DCUN1D4: variants seen among roughly 807,000 people sequenced by gnomAD.
DCUN1D4 encodes DCN1-like protein 4.
Under a neutral mutation model 47.9 loss-of-function variants are expected in DCUN1D4, and 22 were observed. The observed-to-expected ratio is 0.46, with a 90% CI of 0.33 to 0.66. DCUN1D4 has a LOEUF of 0.66. Ranked by LOEUF, DCUN1D4 falls within the 30% of genes least tolerant of loss-of-function variation. DCUN1D4 has a pLI of 0.02. For missense variants in DCUN1D4, 301 were observed against 340.8 expected (o/e 0.88, Z 0.92); for synonymous variants, 121 against 112.2 (o/e 1.08, Z -0.50).
At chr4:51,910,187 T>A (rs1363391754) in intron 8 of DCUN1D4, among the ~76,000 whole-genome samples, 1 of 152,172 alleles carries the variant, frequency 6.6e-6, no homozygotes, top group Non-Finnish European at 1.5e-5. Flanking sequence ...ATATGTAAGG[T>A]ATGCTTATGG....
intron 1 of DCUN1D4, among the ~76,000 whole-genome samples, chr4:51,855,283 A>G (rs903658787): frequency 6.6e-6 from 1 of 152,172 alleles, no homozygotes; most frequent in Non-Finnish European, 1.5e-5. Flanking sequence ...CTAATAAAAA[A>G]TGTTTTATTA....
rs1734154121 is a variant in DCUN1D4, at chr4:51,914,718, C to T, written c.*1134C>T. 6.6e-6 allele frequency: 1 copy of T among 151,764 alleles called. No individual in the cohort carries two copies. The highest frequency in any genetic ancestry group is 2.4e-5 in the African/African-American group (1 of 41,146). The allele number at this position is 151,764 out of a possible 1,614,324, so 9.4% of individuals were successfully genotyped here. A position where few individuals can be genotyped will look rare whatever the true frequency, so the allele number is the denominator to read the frequency against. The stretch of plus-strand genomic sequence containing the variant: ...GCTAGGACCTGTCCTAGAGGGGCCA[C>T]TTTTCATTACCTGAGTTATTTGTAC... On this transcript the variant is annotated 3_prime_UTR_variant, in exon 11 of 11. Coordinates refer to ENST00000334635, the MANE Select transcript of DCUN1D4 (RefSeq NM_001040402.3).
At chr4:51,887,449 A>T (rs1729690404) in intron 6 of DCUN1D4, among the ~76,000 whole-genome samples, 1 of 152,140 alleles carries the variant, frequency 6.6e-6, no homozygotes, top group Admixed American at 6.5e-5. Context: ...TTTTAATTAG[A>T]GTGATTTTTA....
chr4:51,869,992 T>C (rs1261983382), intron 3 of DCUN1D4, among the ~76,000 whole-genome samples: 1 of 152,216 alleles, frequency 6.6e-6, no homozygotes, highest in Non-Finnish European at 1.5e-5. Flanking sequence ...CTAAGTGTCA[T>C]GTAAACACCA....
intron 1 of DCUN1D4, among the ~76,000 whole-genome samples, chr4:51,861,447 CTACTTCTTCCACATTTATA>C (rs1341681533): frequency 6.6e-6 from 1 of 152,146 alleles, no homozygotes; most frequent in Non-Finnish European, 1.5e-5. Context: ...CTTGTCTTTT[CTACTTCTTCCACATTTATA>C]TAAAGGAGGG....
the DCUN1D4 span, among the ~76,000 whole-genome samples, chr4:51,837,877 G>A: frequency 1.3e-5 from 2 of 152,080 alleles, no homozygotes; most frequent in East Asian, 3.9e-4. Context: ...GGATTTTCTA[G>A]AAAATTTAAA....
rs1219621749 is a variant in DCUN1D4, at chr4:51,900,622, A to T, written c.615+1244A>T. Among the ~76,000 whole-genome samples the T allele has an allele frequency of 3.9e-5, 6 of 152,084 alleles. No homozygotes were observed. The South Asian group carries it at 1.2e-3, about 32-fold the overall frequency. ...AGATATGGTGCCTATAGTTCTAGCT[A>T]CTCAGGAGGCTGAGGTAAGAGGATT... On this transcript the variant is annotated intron_variant, in intron 8 of 10. Transcript: ENST00000334635.
chr4:51,909,224 G>A (rs995511997), intron 8 of DCUN1D4, among the ~76,000 whole-genome samples: 3 of 152,044 alleles, frequency 2.0e-5, no homozygotes, highest in Non-Finnish European at 4.4e-5. Flanking sequence ...ATATATCACA[G>A]CAAGACTAGA....
the DCUN1D4 span, among the ~76,000 whole-genome samples, chr4:51,834,092 T>TTC: frequency 7.3e-6 from 1 of 137,462 alleles, no homozygotes; most frequent in African/African-American, 3.0e-5. Flanking sequence ...CTCTCTTTTC[T>TTC]TTTCTTCTTT....
At position 51,863,787 on chromosome 4, in the gene DCUN1D4, G is replaced by T. The variant is rs995847135; in HGVS notation, c.136+78G>T. ...AAAGAGAAATACTAGCTATGAATGC[G>T]CTATGTTGTCATAATGTACTCCATT... On this transcript the variant is annotated intron_variant, in intron 3 of 10. Transcript: ENST00000334635. 4 of 1,426,074 alleles carry T rather than the reference G, an allele frequency of 2.8e-6. No individual in the cohort carries two copies. In the African/African-American group the frequency reaches 4.3e-5, roughly 15 times the overall value. The allele number at this position is 1,426,074 out of a possible 1,614,324, so 88.3% of individuals were successfully genotyped here.
chr4:51,892,785 T>G (rs1730630811), intron 7 of DCUN1D4, among the ~76,000 whole-genome samples: 3 of 152,248 alleles, frequency 2.0e-5, no homozygotes, highest in East Asian at 1.9e-4. Flanking sequence ...ATGTTTCAAA[T>G]AGCATTGACG....
At chr4:51,887,716 G>T (rs1729726391) in intron 6 of DCUN1D4, among the ~76,000 whole-genome samples, 1 of 152,028 alleles carries the variant, frequency 6.6e-6, no homozygotes, top group South Asian at 2.1e-4. Flanking sequence ...TGGTGCCCAG[G>T]CATGTATGTC....
At chr4:51,911,207 T>C in intron 9 of DCUN1D4, 33 bp downstream of exon 9, 2 of 1,572,830 alleles carry the variant, frequency 1.3e-6, no homozygotes, top group Non-Finnish European at 1.7e-6. Context: ...AATGTATGTT[T>C]GCTTGCTTGG....
chr4:51,884,645 A>G (rs1459819107), intron 5 of DCUN1D4, among the ~76,000 whole-genome samples: 2 of 152,220 alleles, frequency 1.3e-5, no homozygotes, highest in African/African-American at 4.8e-5. Context: ...TGTAAGAAGA[A>G]TAAAGGAACT....
chr4:51,877,806 G>A lies in DCUN1D4; in HGVS notation c.295G>A (p.Glu99Lys). 1 of 1,611,952 alleles carries A rather than the reference G, an allele frequency of 6.2e-7. No individual in the cohort carries two copies. Among genetic ancestry groups the A allele is most frequent in the Non-Finnish European group, 8.5e-7 (1 of 1,179,242 alleles). The change falls in exon 5 of 11, where the codon GAA (glutamate) becomes AAA (lysine). Residue 99 changes from glutamate to lysine, a missense_variant. By Grantham distance (56) the Glu-to-Lys change is moderately conservative. This residue lies in a region of DCUN1D4 where 170 missense variants were observed against 234.5 expected (regional missense o/e 0.73). Coordinates refer to ENST00000334635, the MANE Select transcript of DCUN1D4 (RefSeq NM_001040402.3). ...TTCGACTAGAATAAAGACTGAAGAAGAAGCCTTTTCAAGTAAAAGGTGCTT... is the reference window on the plus strand; with the variant it reads ...TTCGACTAGAATAAAGACTGAAGAAAAAGCCTTTTCAAGTAAAAGGTGCTT... ...YDSTRIKTEE[E>K]AFSSKRCLEW...
In DCUN1D4 at chr4:51,874,373, G is replaced by A. The variant is rs370511636; in HGVS notation, c.239G>A (p.Ser80Asn). 4 of 1,611,790 alleles carry A rather than the reference G, an allele frequency of 2.5e-6. No homozygotes were observed. The African/African-American group carries it at 5.3e-5, about 22-fold the overall frequency. The part of the protein sequence containing the change: ...ASGDDLSAKK[S>N]RHDSMYRKYD... ...GGAGATGATTTATCTGCCAAGAAAA[G>A]TAGACATGATAGGTATGATGTAGAG... is the stretch of plus-strand genomic sequence containing the variant. Residue 80 changes from serine to asparagine, a missense_variant, in exon 4 of 11, where the codon AGT (serine) becomes AAT (asparagine). By Grantham distance (46) the Ser-to-Asn change is conservative. Transcript: ENST00000334635.
At chr4:51,899,427 T>C in intron 8 of DCUN1D4, 49 bp downstream of exon 8, 1 of 1,540,456 alleles carries the variant, frequency 6.5e-7, no homozygotes, top group Non-Finnish European at 8.7e-7. Context: ...TCCCTCCCCT[T>C]TTTAAATTGC....
chr4:51,893,809 G>A (rs970827373), intron 7 of DCUN1D4, among the ~76,000 whole-genome samples: 5 of 152,174 alleles, frequency 3.3e-5, no homozygotes, highest in African/African-American at 1.2e-4. Flanking sequence ...TTTATTTCAA[G>A]CCTTCAGACG....
intron 3 of DCUN1D4, among the ~76,000 whole-genome samples, chr4:51,869,297 T>C (rs1222301373): frequency 6.6e-6 from 1 of 152,170 alleles, no homozygotes; most frequent in Non-Finnish European, 1.5e-5. Context: ...AAATATTAGC[T>C]ACTGGTAAGA....
Sources: allele counts gnomAD v4.1 joint callset (sites outside exome capture counted in the v4.1 genomes callset), GRCh38; gene constraint gnomAD v4.1.1; regional missense constraint gnomAD v4.1.1; transcripts MANE v1.5; gene names NCBI Gene and HGNC (gene_info 2026-07-23, HGNC 2026-07-21).